Variants in BRI3 observed in about 807,000 individuals in gnomAD.
BRI3 encodes the protein brain protein I3.
Under a neutral mutation model 12.8 loss-of-function variants are expected in BRI3, and 6 were observed. The observed-to-expected ratio is 0.47, with a 90% CI of 0.26 to 0.93. The LOEUF (loss-of-function observed/expected upper bound fraction) is 0.93. BRI3 is among the 40% of genes least tolerant of loss of function. BRI3 has a pLI of 0.15. For synonymous variants in BRI3, 91 were observed against 76.1 expected (o/e 1.20, Z -1.02); for missense variants, 134 against 171.1 (o/e 0.78, Z 1.21).
chr7:98,319,211 A>T, the BRI3 span, among the ~76,000 whole-genome samples: 9 of 152,024 alleles, frequency 5.9e-5, no homozygotes, highest in Non-Finnish European at 1.3e-4. Flanking sequence ...AAAGTTAAGT[A>T]CTCTATAGAG....
At chr7:98,288,374 G>A (rs1799782338) in intron 2 of BRI3, among the ~76,000 whole-genome samples, 1 of 152,118 alleles carries the variant, frequency 6.6e-6, no homozygotes, top group South Asian at 2.1e-4. Context: ...GCGTGCTGCA[G>A]TCGGCAGGGC....
At chr7:98,282,073 C>A in intron 1 of BRI3, 136 bp downstream of exon 1, 2 of 1,227,450 alleles carry the variant, frequency 1.6e-6, no homozygotes, top group Admixed American at 3.8e-5. Context: ...GGCTTCGGGA[C>A]CCGGCGCCGC....
At chr7:98,293,695 G>T, downstream of BRI3, 3 of 1,176,222 alleles carry the variant, frequency 2.6e-6, no homozygotes, top group Non-Finnish European at 3.8e-6. Flanking sequence ...GAGACTGGGC[G>T]GCTGACCACC....
At chr7:98,307,880 G>A in exon 2 of BRI3, 1 of 1,614,218 alleles carries the variant, frequency 6.2e-7, no homozygotes, top group Non-Finnish European at 8.5e-7. Flanking sequence ...GCTGTAAACT[G>A]GGATCTTCGG....
chr7:98,315,386 G>A (rs919315101), downstream of BRI3: 22 of 1,293,566 alleles, frequency 1.7e-5, no homozygotes, highest in Non-Finnish European at 2.1e-5. Context: ...GTGGGCCACG[G>A]CCCAGCCTTC....
chr7:98,320,186 T>A, the BRI3 span: 2 of 1,589,984 alleles, frequency 1.3e-6, no homozygotes, highest in Non-Finnish European at 8.6e-7. Flanking sequence ...CAAAATAAGT[T>A]CTAAAACCTG....
chr7:98,282,276 G>A, intron 1 of BRI3, 75 bp from the exon 2 acceptor site: 1 of 1,272,516 alleles, frequency 7.9e-7, no homozygotes, highest in African/African-American at 1.5e-5. Flanking sequence ...GAGGTTGAGG[G>A]GACAGGATGA....
At chr7:98,283,961 T>A (rs1052838108) in intron 2 of BRI3, among the ~76,000 whole-genome samples, 3 of 152,208 alleles carry the variant, frequency 2.0e-5, no homozygotes, top group African/African-American at 7.2e-5. Context: ...CCCTGCCACT[T>A]CCCCTTCCCT....
downstream of BRI3, chr7:98,292,546 A>T: frequency 1.6e-6 from 2 of 1,226,540 alleles, no homozygotes; most frequent in Non-Finnish European, 2.3e-6. Flanking sequence ...CCCCGGGCTC[A>T]GGGCAGCCAG....
rs748283835 is a variant in BRI3 at position 98,291,208 on chromosome 7, C to T, written c.343C>T (p.Arg115Ter). ...GFICCFALRK[R>*]RCPNCGATFA ...CATTTGCTGTTTTGCCTTGAGGAAG[C>T]GACGATGCCCCAACTGTGGAGCCAC... The change falls in exon 3 of 3, where the codon CGA becomes TGA. Residue 115 changes from arginine to a stop codon, truncating the protein, a stop_gained. Coordinates refer to ENST00000297290, the MANE Select transcript of BRI3 (RefSeq NM_015379.5). LOFTEE classifies it high-confidence loss of function. The T allele has an allele frequency of 4.3e-6, 7 of 1,613,650 alleles. No homozygotes were observed. Among genetic ancestry groups the T allele is most frequent in the Non-Finnish European group, 5.9e-6 (7 of 1,180,038 alleles).
In BRI3 at chr7:98,282,349, A is replaced by G. The variant is rs765217302; in HGVS notation, c.143-2A>G. The G allele has an allele frequency of 1.2e-6, 2 of 1,612,842 alleles. No homozygotes were observed. The highest frequency in any genetic ancestry group is 1.3e-5 in the African/African-American group (1 of 75,030). ...CCTAATGACCTGCTTTCCCGCCCACAGGGATACCCACCCACCATCCCAGGG... is the reference window on the plus strand; with the variant it reads ...CCTAATGACCTGCTTTCCCGCCCACGGGGATACCCACCCACCATCCCAGGG... On this transcript the variant is annotated splice_acceptor_variant, in intron 1 of 2. Coordinates refer to ENST00000297290, the MANE Select transcript of BRI3 (RefSeq NM_015379.5). LOFTEE classifies it high-confidence loss of function.
intron 1 of BRI3, among the ~76,000 whole-genome samples, chr7:98,298,387 C>T (rs757185544): frequency 9.2e-5 from 14 of 152,192 alleles, no homozygotes; most frequent in African/African-American, 7.2e-5. Context: ...CCGAGGCAGA[C>T]GGATCACAAG....
chr7:98,294,012 G>T, downstream of BRI3: 1 of 1,569,290 alleles, frequency 6.4e-7, no homozygotes, highest in Non-Finnish European at 8.8e-7. Flanking sequence ...AGGCCCTTCC[G>T]GGGGACACTA....
At chr7:98,318,851 G>A in the BRI3 span, among the ~76,000 whole-genome samples, 1 of 151,320 alleles carries the variant, frequency 6.6e-6, no homozygotes, top group African/African-American at 2.4e-5. Flanking sequence ...GGCTGAGGTA[G>A]GAGAATCGCT....
At chr7:98,304,543 C>A (rs7802541), upstream of BRI3, among the ~76,000 whole-genome samples, 58,222 of 151,690 alleles carry the variant, frequency 0.38, 12,682 homozygotes, top group Middle Eastern at 0.54. Context: ...CAATACAAAA[C>A]ACTGTATTTT....
chr7:98,289,130 G>T (rs1036194104), intron 2 of BRI3, among the ~76,000 whole-genome samples: 41 of 152,152 alleles, frequency 2.7e-4, no homozygotes, highest in African/African-American at 9.6e-4. Context: ...GCTAATTTCT[G>T]TATTTTTAGT....
At chr7:98,306,610 T>C (rs1800667489) in exon 1 of BRI3, 1 of 1,568,204 alleles carries the variant, frequency 6.4e-7, no homozygotes, top group African/African-American at 1.4e-5. Context: ...GGCAGACAGG[T>C]CCACTGCTCC....
chr7:98,306,792 C>T (rs1403249223), intron 1 of BRI3: 5 of 428,156 alleles, frequency 1.2e-5, no homozygotes, highest in African/African-American at 2.0e-5. Context: ...ACAGCAGCCT[C>T]GAACTCATGG....
chr7:98,291,616 G>A, downstream of BRI3: 1 of 748,796 alleles, frequency 1.3e-6, no homozygotes, highest in Non-Finnish European at 1.7e-6. Context: ...CCTGACCACA[G>A]TTGTATTCAG....
Sources: allele counts gnomAD v4.1 joint callset (sites outside exome capture counted in the v4.1 genomes callset), GRCh38; gene constraint gnomAD v4.1.1; transcripts MANE v1.5; gene names NCBI Gene and HGNC (gene_info 2026-07-23, HGNC 2026-07-21).